The following NALCN variants were observed in gnomAD, a reference collection of about 807,000 sequenced individuals.
NALCN encodes sodium leak channel, non-selective.
In NALCN, 111 loss-of-function variants were observed where a neutral mutation model predicts 225.3. That is an observed-to-expected ratio of 0.49 (90% CI 0.42 to 0.58). The LOEUF (loss-of-function observed/expected upper bound fraction) is 0.58, where lower values mean the gene tolerates loss of function less well. Among genes scored for constraint, NALCN ranks in the 20% least tolerant of loss-of-function variants. The pLI is 0.00. For missense variants in NALCN, 1,378 were observed against 2,202.4 expected, an observed-to-expected ratio of 0.63 and a Z score of 7.49; for synonymous variants, 764 against 769.0, an observed-to-expected ratio of 0.99 and a Z score of 0.11.
At position 101,129,296 on chromosome 13, in the gene NALCN, A is replaced by G. The variant is rs188656051; in HGVS notation, c.2119-4615T>C. Among the ~76,000 whole-genome samples the G allele has an allele frequency of 4.6e-5, 7 of 152,334 alleles. No individual in the cohort carries two copies. The East Asian group carries it at 1.3e-3, about 29-fold the overall frequency. On this transcript the variant is annotated intron_variant, in intron 17 of 43. Coordinates refer to ENST00000251127, the MANE Select transcript of NALCN (RefSeq NM_052867.4). ...TTTTCTATCATCGCTCAAGGTAACCAATTACTATTTAAAAAATGTCATTAT... is the reference window on the plus strand; with the variant it reads ...TTTTCTATCATCGCTCAAGGTAACCGATTACTATTTAAAAAATGTCATTAT...
intron 7 of NALCN, among the ~76,000 whole-genome samples, chr13:101,316,086 A>G (rs1354713233): frequency 6.6e-6 from 1 of 152,188 alleles, no homozygotes; most frequent in Non-Finnish European, 1.5e-5. Flanking sequence ...TAATGAAAGG[A>G]AAGAATCAAA....
chr13:101,113,528 A>T (rs1009671853), intron 18 of NALCN, among the ~76,000 whole-genome samples: 1 of 152,256 alleles, frequency 6.6e-6, no homozygotes, highest in Non-Finnish European at 1.5e-5. Flanking sequence ...CTAAGAGGTT[A>T]CATATACTCT....
intron 40 of NALCN, among the ~76,000 whole-genome samples, chr13:101,063,830 C>T (rs1162909377): frequency 6.6e-6 from 1 of 151,996 alleles, no homozygotes; most frequent in Admixed American, 6.6e-5. Flanking sequence ...GTAGGTACTG[C>T]TATGTGATTA....
chr13:101,310,796 C>T (rs1397131664), intron 7 of NALCN, among the ~76,000 whole-genome samples: 1 of 151,562 alleles, frequency 6.6e-6, no homozygotes, highest in African/African-American at 2.4e-5. Context: ...AATCAATTGA[C>T]CAGGAAGGAA....
At chr13:101,386,180 T>C (rs1346570211) in intron 3 of NALCN, among the ~76,000 whole-genome samples, 1 of 152,238 alleles carries the variant, frequency 6.6e-6, no homozygotes, top group Non-Finnish European at 1.5e-5. Flanking sequence ...TTGACTTGTA[T>C]AGGTATTAGA....
intron 15 of NALCN, among the ~76,000 whole-genome samples, chr13:101,166,942 A>T (rs1482306121): frequency 1.3e-5 from 2 of 152,278 alleles, no homozygotes; most frequent in Non-Finnish European, 2.9e-5. Context: ...TGTGGTATCC[A>T]ATTTTTCAAC....
chr13:101,116,845 A>C (rs2035740644), intron 18 of NALCN: 1 of 433,994 alleles, frequency 2.3e-6, no homozygotes, highest in Non-Finnish European at 4.6e-6. Context: ...ATAGTCTTTC[A>C]GTGGTAATTA....
At position 101,074,494 on chromosome 13, in the gene NALCN, A is replaced by G. The variant is rs758051753; in HGVS notation, c.4103+20T>C. The G allele has an allele frequency of 6.6e-7, 1 of 1,522,254 alleles. No individual in the cohort carries two copies. The highest frequency in any genetic ancestry group is 2.4e-5 in the Admixed American group (1 of 41,898). 94.3% of individuals were successfully genotyped at this position (1,522,254 alleles called of 1,614,324 possible). A position where few individuals can be genotyped will look rare whatever the true frequency, so the allele number is the denominator to read the frequency against. On this transcript the variant is annotated intron_variant, in intron 36 of 43. Transcript: ENST00000251127. ...AAGGGTTTGCTTGATAAATGAATAGAAAGATAAGTATATACCAACCTGTTA... is the reference window on the plus strand; with the variant it reads ...AAGGGTTTGCTTGATAAATGAATAGGAAGATAAGTATATACCAACCTGTTA...
chr13:101,181,331 A>T (rs377323035), intron 14 of NALCN: 9 of 518,772 alleles, frequency 1.7e-5, no homozygotes, highest in Non-Finnish European at 3.5e-5. Flanking sequence ...CGGATAAGAG[A>T]GGGAGGCTGG....
chr13:101,226,666 G>A (rs1266963786), intron 13 of NALCN, among the ~76,000 whole-genome samples: 1 of 117,428 alleles, frequency 8.5e-6, no homozygotes, highest in African/African-American at 3.5e-5. Flanking sequence ...TGATGGCAAG[G>A]CCTTGCCTGG....
intron 17 of NALCN, among the ~76,000 whole-genome samples, chr13:101,126,426 T>G (rs557125245): frequency 1.8e-4 from 28 of 152,294 alleles, no homozygotes; most frequent in South Asian, 1.5e-3. Context: ...AGCACATACA[T>G]GCTATTTCCA....
At chr13:101,231,378 A>C (rs565986922) in intron 12 of NALCN, among the ~76,000 whole-genome samples, 2 of 152,376 alleles carry the variant, frequency 1.3e-5, no homozygotes, top group East Asian at 3.9e-4. Context: ...CTACTATTAC[A>C]AAGCGAGTAT....
intron 14 of NALCN, among the ~76,000 whole-genome samples, chr13:101,188,337 A>G (rs1237009644): frequency 6.6e-6 from 1 of 152,092 alleles, no homozygotes; most frequent in Non-Finnish European, 1.5e-5. Context: ...TGCTGCCACA[A>G]ATAATTGATA....
intron 17 of NALCN, among the ~76,000 whole-genome samples, chr13:101,132,786 G>A (rs17484860): frequency 0.018 from 2,741 of 152,160 alleles, 31 homozygotes; most frequent in Non-Finnish European, 0.029. Flanking sequence ...ACTAGGCTTA[G>A]TATAAAAAAG....
At chr13:101,364,049 TA>T (rs1435502787) in intron 6 of NALCN, among the ~76,000 whole-genome samples, 1 of 152,018 alleles carries the variant, frequency 6.6e-6, no homozygotes, top group Non-Finnish European at 1.5e-5. Context: ...CACCCCAAGT[TA>T]AAATGGCTTT....
At chr13:101,351,580 A>T (rs1044107555) in intron 6 of NALCN, among the ~76,000 whole-genome samples, 4 of 152,178 alleles carry the variant, frequency 2.6e-5, no homozygotes, top group Admixed American at 2.6e-4. Context: ...GTATATCACA[A>T]CACAAAGATG....
At chr13:101,411,206 TC>T (rs746910189) in intron 1 of NALCN, among the ~76,000 whole-genome samples, 13,609 of 150,108 alleles carry the variant, frequency 0.091, 760 homozygotes, top group African/African-American at 0.15. Context: ...TTATCCTCTT[TC>T]TTTTTTTTCC....
chr13:101,175,517 A>G (rs1235747274), intron 15 of NALCN, among the ~76,000 whole-genome samples: 2 of 152,220 alleles, frequency 1.3e-5, no homozygotes, highest in Admixed American at 6.5e-5. Context: ...TGTCAACATT[A>G]TAACATTCTA....
chr13:101,397,066 TTATATATATATA>T (rs368771604), intron 2 of NALCN, among the ~76,000 whole-genome samples: 122 of 56,388 alleles, frequency 2.2e-3, no homozygotes, highest in Middle Eastern at 0.01. Context: ...TATGAATGTA[TTATATATATATA>T]TATATATATA....
Sources: gnomAD v4.1 joint callset for allele counts (sites outside exome capture counted in the v4.1 genomes callset) on GRCh38, gnomAD v4.1.1 for gene constraint, MANE v1.5 for transcripts, NCBI Gene and HGNC (gene_info 2026-07-23, HGNC 2026-07-21) for gene names.